Variants in GRID2 observed in about 807,000 individuals in gnomAD.
GRID2 encodes the protein glutamate ionotropic receptor delta type subunit 2, also known as glutamate receptor ionotropic, delta-2.
A neutral mutation model predicts 114.8 loss-of-function variants in GRID2; 33 were observed. The observed-to-expected ratio is 0.29, with a 90% CI of 0.22 to 0.38. The LOEUF (loss-of-function observed/expected upper bound fraction) is 0.38. Among genes scored for constraint, GRID2 ranks in the 10% least tolerant of loss-of-function variants. The probability of loss-of-function intolerance (pLI) is 1.00; values close to 1 mark genes in which losing one functional copy is unlikely to be tolerated. For synonymous variants in GRID2, 505 were observed against 449.9 expected (o/e 1.12, Z -1.55); for missense variants, 1,184 against 1,257.7 (o/e 0.94, Z 0.89).
chr4:92,997,925 C>T (rs564327099), intron 2 of GRID2, among the ~76,000 whole-genome samples: 11 of 151,982 alleles, frequency 7.2e-5, no homozygotes, highest in South Asian at 2.1e-4. Context: ...ACTCACATAT[C>T]GTGAATTCCA....
intron 2 of GRID2, among the ~76,000 whole-genome samples, chr4:92,593,835 T>A (rs1420384177): frequency 6.6e-6 from 1 of 150,928 alleles, no homozygotes; most frequent in East Asian, 1.9e-4. Flanking sequence ...AAACCTTAAC[T>A]CACGAGGTTT....
At chr4:92,695,151 A>G (rs1388967434) in intron 2 of GRID2, among the ~76,000 whole-genome samples, 1 of 152,020 alleles carries the variant, frequency 6.6e-6, no homozygotes, top group East Asian at 1.9e-4. Context: ...ATTTTTGTAG[A>G]GACAGGGTTT....
chr4:93,055,408 T>C (rs1211920479), intron 2 of GRID2, among the ~76,000 whole-genome samples: 3 of 151,854 alleles, frequency 2.0e-5, no homozygotes, highest in Non-Finnish European at 2.9e-5. Context: ...ATAATAGATA[T>C]ACCTAATGCT....
chr4:93,602,344 T>C (rs763826372), intron 13 of GRID2, among the ~76,000 whole-genome samples: 1 of 152,230 alleles, frequency 6.6e-6, no homozygotes, highest in Non-Finnish European at 1.5e-5. Context: ...CTGCTTTTGA[T>C]GCATGAGTGT....
At position 92,623,709 on chromosome 4, in the gene GRID2, A is replaced by T. The variant is rs930947841; in HGVS notation, c.244+33423A>T. Among the ~76,000 whole-genome samples the T allele has an allele frequency of 2.0e-5, 3 of 151,742 alleles. No homozygotes were observed. In the East Asian group the frequency reaches 5.8e-4, roughly 29 times the overall value. On this transcript the variant is annotated intron_variant, in intron 2 of 15. Coordinates refer to ENST00000282020, the MANE Select transcript of GRID2 (RefSeq NM_001510.4). ...ATTATCCTGGAGAAATTACCACAGTAAAAGCTGTGGCACCGCTAACACCCA... is the reference window on the plus strand; with the variant it reads ...ATTATCCTGGAGAAATTACCACAGTTAAAGCTGTGGCACCGCTAACACCCA...
chr4:92,400,048 A>C (rs1446504403), intron 1 of GRID2, among the ~76,000 whole-genome samples: 1 of 152,148 alleles, frequency 6.6e-6, no homozygotes, highest in Non-Finnish European at 1.5e-5. Context: ...TAGTTACTGT[A>C]AGTATTGCAG....
In GRID2 at chr4:93,192,182, T is replaced by G. The variant is rs374624344; in HGVS notation, c.736-15222T>G. ...CATAACCTTACTAACACTTTGCTTT[T>G]TTAACAAAATGGGGCAACCAGCAAC... On this transcript the variant is annotated intron_variant, in intron 4 of 15. Coordinates refer to ENST00000282020, the MANE Select transcript of GRID2 (RefSeq NM_001510.4). Among the ~76,000 whole-genome samples the G allele has an allele frequency of 3.4e-4, 52 of 152,278 alleles. No homozygotes were observed. The East Asian group carries it at 9.7e-3, about 28-fold the overall frequency.
intron 2 of GRID2, among the ~76,000 whole-genome samples, chr4:92,934,098 A>C (rs755583730): frequency 1.4e-4 from 21 of 151,844 alleles, no homozygotes; most frequent in South Asian, 1.2e-3. Flanking sequence ...TTGAGGCCTG[A>C]AATGCTTTTT....
chr4:92,745,305 A>G (rs1173674962), intron 2 of GRID2, among the ~76,000 whole-genome samples: 1 of 152,242 alleles, frequency 6.6e-6, no homozygotes, highest in Non-Finnish European at 1.5e-5. Flanking sequence ...AAAAAACATA[A>G]TATGCTCATT....
intron 4 of GRID2, among the ~76,000 whole-genome samples, chr4:93,136,992 G>T (rs1351060994): frequency 6.6e-6 from 1 of 152,158 alleles, no homozygotes; most frequent in Non-Finnish European, 1.5e-5. Flanking sequence ...ATCTAAAGTT[G>T]TTGATTATGG....
chr4:93,171,379 G>C (rs912364339), intron 4 of GRID2, among the ~76,000 whole-genome samples: 8 of 152,232 alleles, frequency 5.3e-5, no homozygotes, highest in Non-Finnish European at 1.0e-4. Context: ...TCTCAATGAG[G>C]CTTTTTCTGA....
chr4:92,491,709 G>A (rs1490714492), intron 1 of GRID2, among the ~76,000 whole-genome samples: 2 of 151,830 alleles, frequency 1.3e-5, no homozygotes, highest in African/African-American at 4.8e-5. Flanking sequence ...GTGTGTACAT[G>A]ATGTCAACAG....
chr4:92,879,684 CATTT>C (rs1345745459), intron 2 of GRID2, among the ~76,000 whole-genome samples: 1 of 152,222 alleles, frequency 6.6e-6, no homozygotes, highest in Non-Finnish European at 1.5e-5. Context: ...ACTAATCAAT[CATTT>C]ATTAATTTAA....
At chr4:93,294,004 A>G (rs1289209807) in intron 8 of GRID2, among the ~76,000 whole-genome samples, 1 of 152,206 alleles carries the variant, frequency 6.6e-6, no homozygotes, top group Non-Finnish European at 1.5e-5. Context: ...TAAAGCAGGG[A>G]CAATGGATAG....
chr4:92,932,259 C>T (rs559460832), intron 2 of GRID2, among the ~76,000 whole-genome samples: 4 of 151,306 alleles, frequency 2.6e-5, no homozygotes, highest in African/African-American at 4.8e-5. Flanking sequence ...AGACTTGGGT[C>T]GTCACCTTAA....
chr4:92,492,103 A>C (rs1723171105), intron 1 of GRID2, among the ~76,000 whole-genome samples: 1 of 152,174 alleles, frequency 6.6e-6, no homozygotes, highest in Admixed American at 6.5e-5. Flanking sequence ...AAGGCTTTGT[A>C]TGCTCATCAG....
chr4:93,544,778 G>GA lies in GRID2; in HGVS notation c.2193+29380dup, dbSNP rs11301946. ...GGCAACAAGAGCAAAACTCCCTCTGGAAAAAAAAAAAAAGAAAAAAAGAAA... is the reference window on the plus strand; with the variant it reads ...GGCAACAAGAGCAAAACTCCCTCTGGAAAAAAAAAAAAAAGAAAAAAAGAAA... On this transcript the variant is annotated intron_variant, in intron 13 of 15. Coordinates refer to ENST00000282020, the MANE Select transcript of GRID2 (RefSeq NM_001510.4). Among the ~76,000 whole-genome samples the GA allele has an allele frequency of 5.0e-3, 589 of 117,268 alleles. 2 individuals are homozygous for GA. The highest frequency in any genetic ancestry group is 6.9e-3 in the Non-Finnish European group (387 of 55,698). The allele number at this position is 117,268 out of a possible 152,430, so 76.9% of individuals were successfully genotyped here.
intron 2 of GRID2, among the ~76,000 whole-genome samples, chr4:92,673,481 G>A (rs574371173): frequency 3.9e-5 from 6 of 152,132 alleles, no homozygotes; most frequent in Non-Finnish European, 8.8e-5. Flanking sequence ...CCTTCATGAA[G>A]ATCTGTGTTT....
chr4:92,942,287 C>T (rs183549690), intron 2 of GRID2, among the ~76,000 whole-genome samples: 4 of 152,214 alleles, frequency 2.6e-5, no homozygotes, highest in Admixed American at 6.5e-5. Context: ...GGATAGTTAG[C>T]TCTTCTTGTT....
Sources: gnomAD v4.1 joint callset for allele counts (sites outside exome capture counted in the v4.1 genomes callset) on GRCh38, gnomAD v4.1.1 for gene constraint, MANE v1.5 for transcripts, NCBI Gene and HGNC (gene_info 2026-07-23, HGNC 2026-07-21) for gene names.